Variants in LRP1B observed in about 807,000 individuals in gnomAD.
LRP1B encodes the protein low-density lipoprotein receptor-related protein 1B.
A neutral mutation model predicts 556.6 loss-of-function variants in LRP1B; 217 were observed. The ratio of observed to expected loss-of-function variants is 0.39; its 90% CI spans 0.35 to 0.44. The LOEUF (loss-of-function observed/expected upper bound fraction) is 0.44, where lower values mean the gene tolerates loss of function less well. Ranked by LOEUF, LRP1B falls within the 20% of genes least tolerant of loss-of-function variation. The pLI is 1.00. For missense variants in LRP1B, 5,053 were observed against 5,620.8 expected, an observed-to-expected ratio of 0.90 and a Z score of 3.23; for synonymous variants, 2,047 against 1,865.8, an observed-to-expected ratio of 1.10 and a Z score of -2.50.
At chr2:140,326,496 C>G (rs560831993) in intron 79 of LRP1B, among the ~76,000 whole-genome samples, 1 of 151,382 alleles carries the variant, frequency 6.6e-6, no homozygotes, top group African/African-American at 2.4e-5. Context: ...GAGCCTGAGG[C>G]GGGACGGTCA....
At chr2:141,810,252 G>T (rs760830936) in intron 2 of LRP1B, 27 bp downstream of exon 2, 11 of 1,609,326 alleles carry the variant, frequency 6.8e-6, no homozygotes, top group African/African-American at 4.0e-5. Flanking sequence ...AGGTAAATCC[G>T]AATGGCATGA....
At chr2:140,592,880 C>T (rs1436022522) in intron 43 of LRP1B, among the ~76,000 whole-genome samples, 1 of 151,650 alleles carries the variant, frequency 6.6e-6, no homozygotes. Context: ...TAGAGGGCTA[C>T]AGTGAGCCTT....
intron 7 of LRP1B, among the ~76,000 whole-genome samples, chr2:141,138,770 A>C (rs1371229136): frequency 6.6e-6 from 1 of 151,928 alleles, no homozygotes; most frequent in African/African-American, 2.4e-5. Context: ...AGAAGGCATA[A>C]TATTGTCAAG....
intron 49 of LRP1B, among the ~76,000 whole-genome samples, chr2:140,520,416 G>T (rs959814975): frequency 1.3e-5 from 2 of 152,024 alleles, no homozygotes; most frequent in African/African-American, 4.8e-5. Flanking sequence ...GAGAACACTT[G>T]GACACAGGGC....
intron 6 of LRP1B, among the ~76,000 whole-genome samples, chr2:141,205,605 C>A (rs1278454071): frequency 6.6e-6 from 1 of 152,120 alleles, no homozygotes; most frequent in Non-Finnish European, 1.5e-5. Flanking sequence ...TTAATGCACT[C>A]CTTTAAGTCC....
chr2:140,532,187 C>G, intron 47 of LRP1B, among the ~76,000 whole-genome samples: 1 of 152,158 alleles, frequency 6.6e-6, no homozygotes, highest in Admixed American at 6.6e-5. Context: ...ACAAACAAAT[C>G]TTATTATTAT....
rs1357208864 is a variant in LRP1B at position 141,639,393 on chromosome 2, CAT to C, written c.206-158862_206-158861del. On this transcript the variant is annotated intron_variant, in intron 2 of 90. Transcript: ENST00000389484. ...ATATATATACACATATATATATACA[CAT>C]ATATATATATGTGTATATATATATA... Among the ~76,000 whole-genome samples the C allele has an allele frequency of 2.0e-3, 74 of 36,454 alleles. 3 individuals carry two copies. Among genetic ancestry groups the C allele is most frequent in the Admixed American group, 4.5e-3 (16 of 3,588 alleles). The allele number at this position is 36,454 out of a possible 152,430, so 23.9% of individuals were successfully genotyped here. A position where few individuals can be genotyped will look rare whatever the true frequency, so the allele number is the denominator to read the frequency against.
In LRP1B at chr2:140,841,083, C is replaced by G. The variant is rs1270455301; in HGVS notation, c.4949G>C (p.Ser1650Thr). ...CCAATCCACTGCTAGCCCTCTGATA[C>G]TCTGAATATCTATAAAACAGGAAAG... ...LETVISRDIQ[S>T]IRGLAVDWVS... Residue 1650 changes from serine (S) to threonine (T), a missense_variant, in exon 30 of 91, where the codon AGT (serine) becomes ACT (threonine). Physicochemically the swap from Ser to Thr is moderately conservative, Grantham distance 58. Transcript: ENST00000389484. The G allele has an allele frequency of 6.2e-7, 1 of 1,603,612 alleles. No homozygotes were observed. The highest frequency in any genetic ancestry group is 8.5e-7 in the Non-Finnish European group (1 of 1,173,998).
At chr2:140,315,466 G>A (rs373622036) in intron 82 of LRP1B, among the ~76,000 whole-genome samples, 93 of 152,020 alleles carry the variant, frequency 6.1e-4, no homozygotes, top group African/African-American at 2.1e-3. Context: ...AGACTGGTGG[G>A]CAGTGGCATG....
intron 37 of LRP1B, among the ~76,000 whole-genome samples, chr2:140,711,536 C>A (rs983161413): frequency 3.9e-5 from 6 of 152,074 alleles, no homozygotes; most frequent in Non-Finnish European, 7.4e-5. Context: ...AACCTTTTTT[C>A]TCCTTTTTGG....
At chr2:140,412,479 T>A (rs1156427611) in intron 66 of LRP1B, among the ~76,000 whole-genome samples, 1 of 152,060 alleles carries the variant, frequency 6.6e-6, no homozygotes. Flanking sequence ...ATATGTCAAA[T>A]GAAAACAGAA....
intron 3 of LRP1B, among the ~76,000 whole-genome samples, chr2:141,422,327 A>C (rs1680176021): frequency 6.6e-6 from 1 of 152,168 alleles, no homozygotes; most frequent in Non-Finnish European, 1.5e-5. Context: ...AAAGAAGAGG[A>C]GATGTAAAGA....
At chr2:141,841,703 G>A (rs911339359) in intron 1 of LRP1B, among the ~76,000 whole-genome samples, 5 of 152,182 alleles carry the variant, frequency 3.3e-5, no homozygotes, top group African/African-American at 1.2e-4. Context: ...AAGCCAGTGA[G>A]TGATTATCAA....
intron 41 of LRP1B, among the ~76,000 whole-genome samples, chr2:140,671,230 T>C (rs6752301): frequency 0.82 from 124,162 of 152,170 alleles, 51,186 homozygotes; most frequent in Non-Finnish European, 0.88. Context: ...GAAAAAAATA[T>C]GTTTTCTTGG....
At chr2:142,102,701 G>A (rs1367197485) in intron 1 of LRP1B, among the ~76,000 whole-genome samples, 1 of 151,624 alleles carries the variant, frequency 6.6e-6, no homozygotes, top group Non-Finnish European at 1.5e-5. Context: ...CTAGAAAACA[G>A]AATCAGATAC....
At chr2:141,247,089 G>C (rs1248524595) in intron 5 of LRP1B, 137 bp downstream of exon 5, 1 of 899,370 alleles carries the variant, frequency 1.1e-6, no homozygotes, top group African/African-American at 1.7e-5. Flanking sequence ...CCTAACTATA[G>C]AGAAGTGTAT....
intron 27 of LRP1B, among the ~76,000 whole-genome samples, chr2:140,852,951 G>A (rs571157035): frequency 1.3e-5 from 2 of 151,866 alleles, no homozygotes; most frequent in African/African-American, 2.4e-5. Flanking sequence ...AGGCAAAAAA[G>A]CGTTATTCTT....
intron 2 of LRP1B, among the ~76,000 whole-genome samples, chr2:141,637,958 T>A (rs1017390654): frequency 6.6e-6 from 1 of 152,144 alleles, no homozygotes; most frequent in African/African-American, 2.4e-5. Flanking sequence ...CCCAACTCTT[T>A]AAAAGGCAGG....
chr2:141,877,678 C>T (rs552979170), intron 1 of LRP1B, among the ~76,000 whole-genome samples: 316 of 152,050 alleles, frequency 2.1e-3, no homozygotes, highest in Admixed American at 3.5e-3. Context: ...TTGTTTGTTA[C>T]AGCAGTCGGT....
Sources: gnomAD v4.1 joint callset for allele counts (sites outside exome capture counted in the v4.1 genomes callset) on GRCh38, gnomAD v4.1.1 for gene constraint, MANE v1.5 for transcripts, NCBI Gene and HGNC (gene_info 2026-07-23, HGNC 2026-07-21) for gene names.